Variants in DLGAP3 observed in about 807,000 individuals in gnomAD.
DLGAP3 encodes DLG associated protein 3, also known as disks large-associated protein 3.
Under a neutral mutation model 81.2 loss-of-function variants are expected in DLGAP3, and 17 were observed. The ratio of observed to expected loss-of-function variants is 0.21; its 90% CI spans 0.14 to 0.31. DLGAP3 has a LOEUF of 0.31. DLGAP3 is among the 10% of genes least tolerant of loss of function. The probability of loss-of-function intolerance (pLI) is 1.00; values close to 1 mark genes in which losing one functional copy is unlikely to be tolerated. For missense variants in DLGAP3, 1,124 were observed against 1,388.0 expected, an observed-to-expected ratio of 0.81 and a Z score of 3.02; for synonymous variants, 577 against 587.4, an observed-to-expected ratio of 0.98 and a Z score of 0.26.
chr1:34,873,695 A>G lies in DLGAP3; in HGVS notation c.2001-4606T>C, dbSNP rs1278565453. Among the ~76,000 whole-genome samples, 1 of 152,184 alleles carries G rather than the reference A, an allele frequency of 6.6e-6. No homozygotes were observed. The highest frequency in any genetic ancestry group is 2.4e-5 in the African/African-American group (1 of 41,432). On this transcript the variant is annotated intron_variant, in intron 8 of 11. Coordinates refer to ENST00000373347, the MANE Select transcript of DLGAP3 (RefSeq NM_001080418.3). The surrounding 1 kb of genome is among the most constrained non-coding windows in gnomAD (Gnocchi z 4.2). ...TTAATTATTATGATTGCTGTTGATC[A>G]TTTCCATCTGTTCTCCCACAGCGCT... is the stretch of plus-strand genomic sequence containing the variant.
intron 8 of DLGAP3, among the ~76,000 whole-genome samples, chr1:34,879,664 C>CA (rs1359384379): frequency 7.3e-5 from 11 of 150,490 alleles, no homozygotes; most frequent in East Asian, 5.8e-4. Context: ...TGTCCCTTGT[C>CA]AAAAAAATTC....
chr1:34,909,640 T>C (rs75446748), intron 1 of DLGAP3, among the ~76,000 whole-genome samples: 28,604 of 152,130 alleles, frequency 0.19, 3,082 homozygotes, highest in East Asian at 0.46. Flanking sequence ...ATCCAATTTA[T>C]GGATTTTCTA....
intron 7 of DLGAP3, 106 bp from the exon 8 acceptor site, chr1:34,885,169 T>TG: frequency 9.0e-7 from 1 of 1,110,058 alleles, no homozygotes; most frequent in Non-Finnish European, 1.3e-6. Flanking sequence ...TGGCAGGTCC[T>TG]GCAAAGACCA....
rs767368459 is a variant in DLGAP3, at chr1:34,900,044, C to G, written c.1313+24G>C. The G allele has an allele frequency of 1.9e-6, 3 of 1,595,482 alleles. No individual in the cohort carries two copies. Among genetic ancestry groups the G allele is most frequent in the East Asian group, 4.5e-5 (2 of 44,788 alleles). On this transcript the variant is annotated intron_variant, in intron 4 of 11. Coordinates refer to ENST00000373347, the MANE Select transcript of DLGAP3 (RefSeq NM_001080418.3). The surrounding 1 kb of genome is among the most constrained non-coding windows in gnomAD (Gnocchi z 5.6). ...CCAGCATCAGCCTCCTGACCCCGCA[C>G]CCCCCGGCCCTCCCTGTCCTTACTT...
At chr1:34,882,959 T>C (rs2148400306) in intron 8 of DLGAP3, among the ~76,000 whole-genome samples, 1 of 152,318 alleles carries the variant, frequency 6.6e-6, no homozygotes, top group African/African-American at 2.4e-5. Flanking sequence ...CCCTCTCCCC[T>C]GAATGCTTTT....
intron 5 of DLGAP3, among the ~76,000 whole-genome samples, chr1:34,897,782 C>G (rs947990674): frequency 6.6e-6 from 1 of 152,128 alleles, no homozygotes; most frequent in African/African-American, 2.4e-5. Flanking sequence ...CTGGAAGAAC[C>G]GGTGGCAGTG....
intron 11 of DLGAP3, 141 bp downstream of exon 11, chr1:34,866,907 G>C: frequency 1.0e-6 from 1 of 969,450 alleles, no homozygotes; most frequent in Non-Finnish European, 1.6e-6. Context: ...GAAGGGGATG[G>C]TCACCTATCA....
chr1:34,917,658 T>C (rs1290014089), intron 1 of DLGAP3, among the ~76,000 whole-genome samples: 1 of 152,240 alleles, frequency 6.6e-6, no homozygotes, highest in African/African-American at 2.4e-5. Flanking sequence ...CAATAGACTT[T>C]GATGTTTGTG....
At chr1:34,871,492 TTC>T (rs1638980284) in intron 8 of DLGAP3, among the ~76,000 whole-genome samples, 1 of 152,240 alleles carries the variant, frequency 6.6e-6, no homozygotes, top group African/African-American at 2.4e-5. Flanking sequence ...AGGCAGATTG[TTC>T]TCTTTCTGGT....
intron 1 of DLGAP3, among the ~76,000 whole-genome samples, chr1:34,919,799 G>GAAAA (rs754132629): frequency 2.0e-5 from 3 of 151,946 alleles, no homozygotes; most frequent in African/African-American, 2.4e-5. Flanking sequence ...GAAAAGAAAA[G>GAAAA]AACAAAAGTT....
chr1:34,868,798 G>A lies in DLGAP3; in HGVS notation c.2292C>T (p.Pro764=), dbSNP rs201441073. ...AGTCACGGCGGCCGGCCCCAGGGCC[G>A]GGGGTGGGGGCGGGGGCAGGGCCGG... is the stretch of plus-strand genomic sequence containing the variant. ...GSPGPAPAPT[P]GPGAGRRDSW... Residue 764 remains proline, a synonymous_variant, in exon 9 of 12, where the codon CCC becomes CCT. Coordinates refer to ENST00000373347, the MANE Select transcript of DLGAP3 (RefSeq NM_001080418.3). This position sits in a 1 kb window ranked among gnomAD's most constrained non-coding sequence, Gnocchi z 7.5. 1.3e-3 allele frequency: 2,021 copies of A among 1,582,906 alleles called. 17 individuals carry two copies. The African/African-American group carries it at 0.022, about 17-fold the overall frequency.
chr1:34,889,835 A>T (rs1365959012), intron 5 of DLGAP3, among the ~76,000 whole-genome samples: 1 of 152,174 alleles, frequency 6.6e-6, no homozygotes, highest in East Asian at 1.9e-4. Flanking sequence ...CAGAATATTA[A>T]CTGTGTGAGC....
At chr1:34,878,533 A>G (rs1360973818) in intron 8 of DLGAP3, among the ~76,000 whole-genome samples, 1 of 152,172 alleles carries the variant, frequency 6.6e-6, no homozygotes, top group East Asian at 1.9e-4. Context: ...AGATACAACA[A>G]TCATAAGCTT....
At position 34,874,372 on chromosome 1, in the gene DLGAP3, A is replaced by G. The variant is rs531598594; in HGVS notation, c.2001-5283T>C. On this transcript the variant is annotated intron_variant, in intron 8 of 11. Coordinates refer to ENST00000373347, the MANE Select transcript of DLGAP3 (RefSeq NM_001080418.3). ...AGTCAAACCCACTCCTAACTATAAC[A>G]GATGAATTTTTAGAATAGTGAAGTT... is the stretch of plus-strand genomic sequence containing the variant. Among the ~76,000 whole-genome samples the G allele has an allele frequency of 1.8e-3, 271 of 152,348 alleles. 2 individuals carry two copies. The highest frequency in any genetic ancestry group is 6.0e-3 in the African/African-American group (249 of 41,578).
Position 34,900,226 on chromosome 1 carries a change from C to A in DLGAP3, c.1155G>T (p.Gly385=). ...WGGYPTGGKD[G]EIPCRRMRSG... is the part of the protein sequence containing the mutation. Reference sequence around the variant, plus strand: ...TCCGCATCCTGCGGCAGGGGATCTCCCCATCCTTGCCACCGGTGGGGTAAC... The same window carrying A: ...TCCGCATCCTGCGGCAGGGGATCTCACCATCCTTGCCACCGGTGGGGTAAC... Residue 385 remains glycine (G), a synonymous_variant, in exon 4 of 12, where the codon GGG becomes GGT. Transcript: ENST00000373347. The surrounding 1 kb of genome is among the most constrained non-coding windows in gnomAD (Gnocchi z 5.6). 6.2e-7 allele frequency: 1 copy of A among 1,614,130 alleles called. No individual in the cohort carries two copies.
intron 1 of DLGAP3, among the ~76,000 whole-genome samples, chr1:34,919,302 C>A (rs781500522): frequency 2.1e-4 from 32 of 152,180 alleles, no homozygotes; most frequent in Non-Finnish European, 4.0e-4. Flanking sequence ...CCTGGAGTGG[C>A]ATGGGGTGGG....
intron 11 of DLGAP3, among the ~76,000 whole-genome samples, chr1:34,866,596 A>AT (rs1557448651): frequency 6.6e-6 from 1 of 152,046 alleles, no homozygotes; most frequent in Non-Finnish European, 1.5e-5. Context: ...CGAAGGAGGG[A>AT]GTTCCCGACC....
chr1:34,870,833 G>A (rs1359395760), intron 8 of DLGAP3, among the ~76,000 whole-genome samples: 3 of 152,166 alleles, frequency 2.0e-5, no homozygotes, highest in Non-Finnish European at 4.4e-5. Flanking sequence ...AAGAGCACGG[G>A]GCCAGGAGTT....
intron 1 of DLGAP3, among the ~76,000 whole-genome samples, chr1:34,923,390 C>T (rs998916788): frequency 6.6e-6 from 1 of 152,046 alleles, no homozygotes; most frequent in African/African-American, 2.4e-5. Context: ...AAGGTGGTGA[C>T]CTGGGCTCAA....
Sources: gnomAD v4.1 joint callset for allele counts (sites outside exome capture counted in the v4.1 genomes callset) on GRCh38, gnomAD v4.1.1 for gene constraint, Gnocchi (gnomAD v3.1) non-coding constraint, MANE v1.5 for transcripts, NCBI Gene and HGNC (gene_info 2026-07-23, HGNC 2026-07-21) for gene names.